The following PRRC2B variants were observed in gnomAD, a reference collection of about 807,000 sequenced individuals.
The protein encoded by PRRC2B is proline rich coiled-coil 2B.
PRRC2B carries 68 observed loss-of-function variants against 242.3 expected under a neutral mutation model. The observed-to-expected ratio is 0.28, with a 90% CI of 0.23 to 0.34. The LOEUF (loss-of-function observed/expected upper bound fraction) is 0.34. Among genes scored for constraint, PRRC2B ranks in the 10% least tolerant of loss-of-function variants. The pLI, the probability that PRRC2B is intolerant of heterozygous loss-of-function variation, is 1.00. For synonymous variants in PRRC2B, 1,228 were observed against 1,173.6 expected, an observed-to-expected ratio of 1.05 and a Z score of -0.95; for missense variants, 2,835 against 2,954.8, an observed-to-expected ratio of 0.96 and a Z score of 0.94.
chr9:131,497,091 A>C lies in PRRC2B; in HGVS notation c.*1217A>C, dbSNP rs773382011. The C allele has an allele frequency of 2.6e-5, 4 of 152,204 alleles. No individual in the cohort carries two copies. The highest frequency in any genetic ancestry group is 4.4e-5 in the Non-Finnish European group (3 of 68,148). The allele number at this position is 152,204 out of a possible 1,614,324, so 9.4% of individuals were successfully genotyped here. ...GTGGTCCCCAAGTGAGGCCACTGGG[A>C]GTTTGTCCTTTTCCTCCTTTGCTTC... is the stretch of plus-strand genomic sequence containing the variant. On this transcript the variant is annotated 3_prime_UTR_variant, in exon 32 of 32. Transcript: ENST00000683519.
chr9:131,402,001 C>T (rs1350649696), intron 1 of PRRC2B, among the ~76,000 whole-genome samples: 2 of 142,914 alleles, frequency 1.4e-5, no homozygotes, highest in Admixed American at 7.1e-5. Flanking sequence ...GACAGAGTCT[C>T]GTTATGTCTC....
rs746562275 is a variant in PRRC2B at position 131,495,833 on chromosome 9, A to T, written c.6649A>T (p.Ile2217Phe). The change falls in exon 32 of 32, where the codon ATC becomes TTC. Residue 2217 changes from isoleucine to phenylalanine, a missense_variant. Around this residue, in one of 7 missense-constraint regions of PRRC2B, gnomAD observed 574 missense variants for 626.0 expected, o/e 0.92. Coordinates refer to ENST00000683519, the MANE Select transcript of PRRC2B (RefSeq NM_013318.4). The stretch of plus-strand genomic sequence containing the variant: ...CTCCCAGATGAAGCGAACCGGAGCG[A>T]TCAAGCCTCGGGCTGTCAAAGTGGA... ...AASQMKRTGA[I>F]KPRAVKVEES... The T allele has an allele frequency of 6.2e-7, 1 of 1,612,204 alleles. No homozygotes were observed. The highest frequency in any genetic ancestry group is 2.2e-5 in the East Asian group (1 of 44,822).
chr9:131,459,487 A>G, intron 11 of PRRC2B, 131 bp downstream of exon 11: 1 of 841,300 alleles, frequency 1.2e-6, no homozygotes. Context: ...GTTTTTTCAT[A>G]GAGACAGGGT....
chr9:131,448,543 CA>C (rs754661321), intron 9 of PRRC2B, among the ~76,000 whole-genome samples: 234 of 39,866 alleles, frequency 5.9e-3, no homozygotes, highest in African/African-American at 0.017. Flanking sequence ...GACACTGTCT[CA>C]AAAAAAAAAA....
At chr9:131,439,380 G>A (rs1838480545) in intron 5 of PRRC2B, among the ~76,000 whole-genome samples, 1 of 152,208 alleles carries the variant, frequency 6.6e-6, no homozygotes, top group African/African-American at 2.4e-5. Context: ...AGCTCTGAGT[G>A]GGAAGGAGAG....
In PRRC2B at chr9:131,486,605, A is replaced by G. The variant is rs1944031703; in HGVS notation, c.5856+423A>G. On this transcript the variant is annotated intron_variant, in intron 26 of 31. Transcript: ENST00000683519. ...GGACTGGCATACTTTCTGTGCTGCCAAGGGGTGATTTTTGGAAGTCTCCCC... is the reference window on the plus strand; with the variant it reads ...GGACTGGCATACTTTCTGTGCTGCCGAGGGGTGATTTTTGGAAGTCTCCCC... 4.3e-6 allele frequency: 4 copies of G among 921,616 alleles called. No homozygotes were observed. In the African/African-American group the frequency reaches 5.3e-5, roughly 12 times the overall value. 57.1% of individuals were successfully genotyped at this position (921,616 alleles called of 1,614,324 possible).
rs969776346 is a variant in PRRC2B at position 131,495,189 on chromosome 9, C to T, written c.6556-551C>T. 6.6e-5 allele frequency among the ~76,000 whole-genome samples: 10 copies of T among 152,082 alleles called. No homozygotes were observed. The East Asian group carries it at 1.7e-3, about 26-fold the overall frequency. ...TCTGTGACTTCCCCACCCCACTCCCCGTGTAGAGCCACAGACCAGGGGAGC... is the reference window on the plus strand; with the variant it reads ...TCTGTGACTTCCCCACCCCACTCCCTGTGTAGAGCCACAGACCAGGGGAGC... On this transcript the variant is annotated intron_variant, in intron 31 of 31. Coordinates refer to ENST00000683519, the MANE Select transcript of PRRC2B (RefSeq NM_013318.4).
Position 131,473,740 on chromosome 9 carries a change from G to A in PRRC2B, c.2324+16G>A. ...TGCGTGTCAGGTGAGATGAAGCCTG[G>A]TCCTGCTGCCTTGCCACTGAAGGAG... On this transcript the variant is annotated intron_variant, in intron 15 of 31. Transcript: ENST00000683519. The A allele has an allele frequency of 1.9e-6, 3 of 1,603,186 alleles. No individual in the cohort carries two copies. The highest frequency in any genetic ancestry group is 1.7e-6 in the Non-Finnish European group (2 of 1,172,550).
chr9:131,481,265 C>A (rs4740251), intron 19 of PRRC2B, among the ~76,000 whole-genome samples: 10 of 137,996 alleles, frequency 7.2e-5, no homozygotes, highest in Non-Finnish European at 1.5e-4. Context: ...GAGTGGAGAT[C>A]GCGCCACTGC....
intron 1 of PRRC2B, among the ~76,000 whole-genome samples, chr9:131,420,485 C>CTTCTCTTCTCT (rs1837792753): frequency 1.3e-4 from 2 of 15,766 alleles, no homozygotes; most frequent in African/African-American, 3.2e-4. Context: ...TTCTTTCTTT[C>CTTCTCTTCTCT]TTTCTTTCTT....
chr9:131,493,759 T>C (rs1007951932), intron 30 of PRRC2B, among the ~76,000 whole-genome samples: 5 of 152,224 alleles, frequency 3.3e-5, no homozygotes, highest in Non-Finnish European at 7.3e-5. Flanking sequence ...GGGGGAGTGC[T>C]GTCCCCAGGG....
Position 131,494,552 on chromosome 9 carries a change from G to T in PRRC2B, c.6555+66G>T, listed in dbSNP as rs1564304489. ...AGGCCCGTCTCCAAGCGCCAAAAGA[G>T]AAGGGACTGTCCAACCTATCTGAGC... On this transcript the variant is annotated intron_variant, in intron 31 of 31. Coordinates refer to ENST00000683519, the MANE Select transcript of PRRC2B (RefSeq NM_013318.4). The surrounding 1 kb of genome is among the most constrained non-coding windows in gnomAD (Gnocchi z 4.3). 7.9e-6 allele frequency: 7 copies of T among 884,504 alleles called. No homozygotes were observed. The highest frequency in any genetic ancestry group is 1.1e-5 in the Non-Finnish European group (6 of 554,586). The allele number at this position is 884,504 out of a possible 1,614,324, so 54.8% of individuals were successfully genotyped here. A position where few individuals can be genotyped will look rare whatever the true frequency, so the allele number is the denominator to read the frequency against.
At chr9:131,416,881 A>G (rs1837671905) in intron 1 of PRRC2B, among the ~76,000 whole-genome samples, 1 of 152,128 alleles carries the variant, frequency 6.6e-6, no homozygotes, top group Admixed American at 6.5e-5. Flanking sequence ...GGGGGAAAAA[A>G]AGTTTATTTC....
In PRRC2B at chr9:131,484,922, C is replaced by T. The variant is rs772847309; in HGVS notation, c.5566-26C>T. 6 of 1,593,586 alleles carry T rather than the reference C, an allele frequency of 3.8e-6. No individual in the cohort carries two copies. The South Asian group carries it at 4.5e-5, about 12-fold the overall frequency. On this transcript the variant is annotated intron_variant, in intron 24 of 31. Transcript: ENST00000683519. Reference sequence around the variant, plus strand: ...CTGCCAGCGTGATAGTAATTTTCATCCCTCCCCCTCCCCTTGCTTCTGAAG... The same window carrying T: ...CTGCCAGCGTGATAGTAATTTTCATTCCTCCCCCTCCCCTTGCTTCTGAAG...
In PRRC2B at chr9:131,386,268, A is replaced by G. The variant is rs939462504; in HGVS notation, c.-56+12537A>G. Among the ~76,000 whole-genome samples the G allele has an allele frequency of 3.3e-5, 5 of 150,290 alleles. 1 individual carries two copies. The highest frequency in any genetic ancestry group is 4.0e-4 in the East Asian group (2 of 5,060). ...GCTGGGACTGCAAGTGTGCACCAAC[A>G]TTCTCGGCTAATTTTTTAATTTTTT... is the stretch of plus-strand genomic sequence containing the variant. On this transcript the variant is annotated intron_variant, in intron 1 of 1. Coordinates refer to the PRRC2B transcript ENST00000682525.
chr9:131,474,425 A>C, intron 15 of PRRC2B, 29 bp from the exon 16 acceptor site: 1 of 1,578,710 alleles, frequency 6.3e-7, no homozygotes, highest in South Asian at 1.1e-5. Flanking sequence ...CTCCAATCGC[A>C]TTGACTGATT....
chr9:131,498,664 C>A lies in PRRC2B; in HGVS notation c.*2790C>A, dbSNP rs1944393045. On this transcript the variant is annotated 3_prime_UTR_variant, in exon 32 of 32. Transcript: ENST00000683519. ...AGGCTTCTGCCAGGATACCACGGGG[C>A]CTTAGTGGGAACAGGTGGAGACCAG... 2.0e-5 allele frequency: 3 copies of A among 152,240 alleles called. No homozygotes were observed. The allele number at this position is 152,240 out of a possible 1,614,324, so 9.4% of individuals were successfully genotyped here.
Position 131,482,327 on chromosome 9 carries a change from G to A in PRRC2B, c.4984-44G>A. 3 of 1,516,852 alleles carry A rather than the reference G, an allele frequency of 2.0e-6. No individual in the cohort carries two copies. The highest frequency in any genetic ancestry group is 2.3e-5 in the East Asian group (1 of 43,468). 94.0% of individuals were successfully genotyped at this position (1,516,852 alleles called of 1,614,324 possible). On this transcript the variant is annotated intron_variant, in intron 20 of 31. Coordinates refer to ENST00000683519, the MANE Select transcript of PRRC2B (RefSeq NM_013318.4). This position sits in a 1 kb window ranked among gnomAD's most constrained non-coding sequence, Gnocchi z 5.2. The stretch of plus-strand genomic sequence containing the variant: ...ATGCAGTTTTACTCTCTGGATAATC[G>A]AGTTGGGAGTTTGAGGCTATAACCC...
intron 17 of PRRC2B, 126 bp downstream of exon 17, chr9:131,478,075 T>C: frequency 1.3e-6 from 1 of 789,070 alleles, no homozygotes; most frequent in Non-Finnish European, 2.0e-6. Context: ...GGCCAGGCCC[T>C]GGGCTGGGTT....
Sources: allele counts gnomAD v4.1 joint callset (sites outside exome capture counted in the v4.1 genomes callset), GRCh38; gene constraint gnomAD v4.1.1; regional missense constraint gnomAD v4.1.1; non-coding constraint Gnocchi (gnomAD v3.1); transcripts MANE v1.5; gene names NCBI Gene and HGNC (gene_info 2026-07-23, HGNC 2026-07-21).